GLRA3: variants seen among roughly 807,000 people sequenced by gnomAD.
GLRA3 encodes the protein glycine receptor subunit alpha-3.
In GLRA3, 44 loss-of-function variants were observed where a neutral mutation model predicts 60.4. That is an observed-to-expected ratio of 0.73 (90% CI 0.57 to 0.94). The LOEUF (loss-of-function observed/expected upper bound fraction) is 0.94. GLRA3 is among the 40% of genes least tolerant of loss of function. GLRA3 has a pLI of 0.00. For synonymous variants in GLRA3, 223 were observed against 192.9 expected (o/e 1.16, Z -1.29); for missense variants, 508 against 564.6 (o/e 0.90, Z 1.02).
chr4:174,713,481 C>G (rs2111088770), intron 5 of GLRA3: 1 of 152,296 alleles, frequency 6.6e-6, no homozygotes, highest in Non-Finnish European at 1.5e-5. Context: ...CTCCCACTTC[C>G]TCATCACTCA....
In GLRA3 at chr4:174,728,569, A is replaced by C. The variant is rs1253550970; in HGVS notation, c.397T>G (p.Phe133Val). ...AAGTTGGCACCCTTTTCATTGGCAA[A>C]GAACAAATCAGGTTTCCAAATGGAG... ...LDSIWKPDLF[F>V]ANEKGANFHE... Residue 133 changes from phenylalanine to valine, a missense_variant, in exon 4 of 10, where the codon TTT (phenylalanine) becomes GTT (valine). Physicochemically the swap from Phe to Val is conservative, Grantham distance 50. This residue lies in a region of GLRA3 where 329 missense variants were observed against 349.3 expected (regional missense o/e 0.94). Transcript: ENST00000274093. 13 of 1,613,272 alleles carry C rather than the reference A, an allele frequency of 8.1e-6. No homozygotes were observed. Among genetic ancestry groups the C allele is most frequent in the Non-Finnish European group, 1.0e-5 (12 of 1,179,300 alleles).
chr4:174,719,611 A>T (rs1736063148), intron 4 of GLRA3, among the ~76,000 whole-genome samples: 2 of 152,166 alleles, frequency 1.3e-5, no homozygotes, highest in South Asian at 4.1e-4. Flanking sequence ...TAAGGGGTAA[A>T]TCACTCTTAG....
intron 2 of GLRA3, among the ~76,000 whole-genome samples, chr4:174,767,640 C>T (rs989350470): frequency 5.3e-5 from 8 of 152,140 alleles, no homozygotes; most frequent in Non-Finnish European, 1.2e-4. Flanking sequence ...TTAGAGATTT[C>T]TTTAAAGCCT....
chr4:174,683,085 A>C, intron 5 of GLRA3, 146 bp from the exon 6 acceptor site: 1 of 619,452 alleles, frequency 1.6e-6, no homozygotes, highest in Non-Finnish European at 2.8e-6. Flanking sequence ...TCATTGCCCA[A>C]TTCCGTTTCA....
intron 1 of GLRA3, among the ~76,000 whole-genome samples, chr4:174,790,987 C>G (rs7693328): frequency 0.15 from 21,637 of 143,968 alleles, 2,131 homozygotes; most frequent in East Asian, 0.41. Flanking sequence ...CTGGACCACA[C>G]AGCGAGACTC....
chr4:174,701,669 C>T (rs1278515668), intron 5 of GLRA3, among the ~76,000 whole-genome samples: 1 of 152,184 alleles, frequency 6.6e-6, no homozygotes, highest in African/African-American at 2.4e-5. Flanking sequence ...CCACTAAAAA[C>T]ATTCATGATT....
intron 5 of GLRA3, among the ~76,000 whole-genome samples, chr4:174,702,156 T>C (rs1015372034): frequency 6.6e-6 from 1 of 152,112 alleles, no homozygotes; most frequent in Non-Finnish European, 1.5e-5. Context: ...TTGTCTAATT[T>C]TAAGTAATTT....
intron 5 of GLRA3, among the ~76,000 whole-genome samples, chr4:174,699,221 C>T (rs1384927912): frequency 6.6e-6 from 1 of 152,060 alleles, no homozygotes; most frequent in East Asian, 1.9e-4. Flanking sequence ...AGGCTGGTCT[C>T]GAACTCCTGA....
intron 7 of GLRA3, among the ~76,000 whole-genome samples, chr4:174,666,259 C>T (rs1733658943): frequency 6.6e-6 from 1 of 152,030 alleles, no homozygotes; most frequent in South Asian, 2.1e-4. Flanking sequence ...ACTGTAAGAT[C>T]CTCCATATTT....
At chr4:174,795,940 T>A (rs1457836536) in intron 1 of GLRA3, among the ~76,000 whole-genome samples, 4 of 152,204 alleles carry the variant, frequency 2.6e-5, no homozygotes, top group Non-Finnish European at 4.4e-5. Context: ...ACTCTACAGA[T>A]TGATGCCTAT....
chr4:174,764,968 C>CTTAA (rs951163286), intron 3 of GLRA3, among the ~76,000 whole-genome samples: 2 of 151,940 alleles, frequency 1.3e-5, no homozygotes, highest in Non-Finnish European at 2.9e-5. Flanking sequence ...GTTTGTAATA[C>CTTAA]TTAACTTCTG....
intron 3 of GLRA3, among the ~76,000 whole-genome samples, chr4:174,741,066 A>G (rs1459619383): frequency 1.3e-5 from 2 of 152,166 alleles, no homozygotes; most frequent in Non-Finnish European, 2.9e-5. Flanking sequence ...ATGTAAGCAT[A>G]CGTGTTTGTT....
chr4:174,655,464 G>A (rs990768877), intron 9 of GLRA3, among the ~76,000 whole-genome samples: 1 of 151,960 alleles, frequency 6.6e-6, no homozygotes, highest in Non-Finnish European at 1.5e-5. Flanking sequence ...AGATAAGCCT[G>A]TTTTTTCATT....
chr4:174,647,411 GA>G (rs11424236), intron 9 of GLRA3, among the ~76,000 whole-genome samples: 31 of 135,014 alleles, frequency 2.3e-4, no homozygotes, highest in East Asian at 1.1e-3. Context: ...CCCATCTCAA[GA>G]AAAAAAAAAA....
intron 4 of GLRA3, among the ~76,000 whole-genome samples, chr4:174,717,128 C>T (rs1330545097): frequency 6.7e-6 from 1 of 149,756 alleles, no homozygotes; most frequent in Non-Finnish European, 1.5e-5. Context: ...GAGAGTATGG[C>T]TTGAGCCCAG....
At chr4:174,673,399 C>A (rs892411413) in intron 7 of GLRA3, among the ~76,000 whole-genome samples, 13 of 152,118 alleles carry the variant, frequency 8.5e-5, no homozygotes. Context: ...ACTATCTCCT[C>A]TTTCAACCCT....
At chr4:174,756,555 A>G (rs1298508571) in intron 3 of GLRA3, among the ~76,000 whole-genome samples, 2 of 152,152 alleles carry the variant, frequency 1.3e-5, no homozygotes, top group Non-Finnish European at 2.9e-5. Flanking sequence ...ATTCCTTTTC[A>G]TAATAAAACA....
At chr4:174,738,972 T>C (rs1471482855) in intron 3 of GLRA3, among the ~76,000 whole-genome samples, 5 of 152,224 alleles carry the variant, frequency 3.3e-5, no homozygotes, top group Non-Finnish European at 7.3e-5. Flanking sequence ...ACCAGCTGAA[T>C]TCCACTGAGC....
chr4:174,812,492 G>A (rs1323754353), intron 1 of GLRA3, among the ~76,000 whole-genome samples: 2 of 151,958 alleles, frequency 1.3e-5, no homozygotes, highest in Admixed American at 6.6e-5. Flanking sequence ...TATTCCTGTA[G>A]TGCAAGAAGC....
Sources: allele counts gnomAD v4.1 joint callset (sites outside exome capture counted in the v4.1 genomes callset), GRCh38; gene constraint gnomAD v4.1.1; regional missense constraint gnomAD v4.1.1; transcripts MANE v1.5; gene names NCBI Gene and HGNC (gene_info 2026-07-23, HGNC 2026-07-21).